ARHGAP32: variants seen among roughly 807,000 people sequenced by gnomAD.
ARHGAP32 encodes Rho GTPase activating protein 32.
In ARHGAP32, 51 loss-of-function variants were observed where a neutral mutation model predicts 186.5. That is an observed-to-expected ratio of 0.27 (90% CI 0.22 to 0.35). ARHGAP32 has a LOEUF of 0.35. Among genes scored for constraint, ARHGAP32 ranks in the 10% least tolerant of loss-of-function variants. The pLI, the probability that ARHGAP32 is intolerant of heterozygous loss-of-function variation, is 1.00. For missense variants in ARHGAP32, 2,186 were observed against 2,623.5 expected, an observed-to-expected ratio of 0.83 and a Z score of 3.64; for synonymous variants, 950 against 964.3, an observed-to-expected ratio of 0.99 and a Z score of 0.27.
At chr11:129,090,478 C>T (rs1419736442) in intron 6 of ARHGAP32, among the ~76,000 whole-genome samples, 1 of 152,124 alleles carries the variant, frequency 6.6e-6, no homozygotes, top group Admixed American at 6.5e-5. Context: ...AGTTAATACA[C>T]TCTTAACTTG....
chr11:129,017,081 T>C (rs1268149331), intron 11 of ARHGAP32, among the ~76,000 whole-genome samples: 1 of 152,120 alleles, frequency 6.6e-6, no homozygotes, highest in Non-Finnish European at 1.5e-5. Context: ...ACCTCTGGGG[T>C]TCCAATCTTG....
chr11:129,040,511 G>A (rs542683711), intron 11 of ARHGAP32, among the ~76,000 whole-genome samples: 242 of 152,244 alleles, frequency 1.6e-3, no homozygotes, highest in Non-Finnish European at 2.9e-3. Flanking sequence ...TACTGTATAA[G>A]TAATAAGAAA....
intron 5 of ARHGAP32, among the ~76,000 whole-genome samples, chr11:129,104,261 A>G (rs1443134207): frequency 6.6e-6 from 1 of 152,134 alleles, no homozygotes; most frequent in Non-Finnish European, 1.5e-5. Flanking sequence ...AATTCAGGAA[A>G]TAAGTTTATA....
chr11:129,215,629 TC>T lies in ARHGAP32; in HGVS notation c.-4-51203del, dbSNP rs1304377849. Among the ~76,000 whole-genome samples the T allele has an allele frequency of 2.0e-5, 3 of 152,112 alleles. No individual in the cohort carries two copies. The East Asian group carries it at 5.8e-4, about 29-fold the overall frequency. ...ACCCCTCCCTCACATCACTCCAACT[TC>T]TTGCTTCTGTTATTACATCTACTAC... On this transcript the variant is annotated intron_variant, in intron 1 of 6. Coordinates refer to the ARHGAP32 transcript ENST00000525234.
intron 11 of ARHGAP32, among the ~76,000 whole-genome samples, chr11:129,010,903 A>G (rs1370123852): frequency 3.3e-5 from 5 of 152,256 alleles, no homozygotes; most frequent in African/African-American, 1.2e-4. Context: ...TGGTAACTGC[A>G]TATGATGTAT....
chr11:129,078,497 T>G (rs1206690149), intron 6 of ARHGAP32, among the ~76,000 whole-genome samples: 2 of 152,076 alleles, frequency 1.3e-5, no homozygotes, highest in African/African-American at 4.8e-5. Flanking sequence ...GGCTAATTAT[T>G]TATTAATTTT....
intron 5 of ARHGAP32, among the ~76,000 whole-genome samples, chr11:129,093,918 C>T (rs980839349): frequency 6.6e-5 from 10 of 152,090 alleles, no homozygotes; most frequent in African/African-American, 2.4e-4. Context: ...GTGTAGCTTA[C>T]GTATAAGGGT....
intron 1 of ARHGAP32, among the ~76,000 whole-genome samples, chr11:129,271,880 C>A (rs1945477325): frequency 6.6e-6 from 1 of 151,932 alleles, no homozygotes; most frequent in African/African-American, 2.4e-5. Flanking sequence ...AAAACAATTT[C>A]ATTGGAGTGC....
chr11:129,187,773 AG>A (rs1944192388), intron 1 of ARHGAP32, among the ~76,000 whole-genome samples: 1 of 152,200 alleles, frequency 6.6e-6, no homozygotes, highest in Non-Finnish European at 1.5e-5. Context: ...AAACAATATA[AG>A]TTGTAGCTTT....
At position 129,070,425 on chromosome 11, in the gene ARHGAP32, A is replaced by G. The variant is rs192959599; in HGVS notation, c.532-3557T>C. Among the ~76,000 whole-genome samples the G allele has an allele frequency of 4.3e-3, 653 of 152,208 alleles. 3 individuals are homozygous for G. Among genetic ancestry groups the G allele is most frequent in the Non-Finnish European group, 6.7e-3 (456 of 67,928 alleles). ...ATATTAGTTTGGTTAAATTGTTAAC[A>G]TGCCCAGCCAGACACTAGAACAATG... On this transcript the variant is annotated intron_variant, in intron 6 of 22. Coordinates refer to ENST00000682385, the MANE Select transcript of ARHGAP32 (RefSeq NM_001378024.1).
intron 1 of ARHGAP32, among the ~76,000 whole-genome samples, chr11:129,240,584 G>A (rs746367684): frequency 5.3e-5 from 8 of 152,030 alleles, no homozygotes; most frequent in Non-Finnish European, 1.0e-4. Context: ...TTACTCTTGC[G>A]GGCCAAAGCT....
At chr11:129,122,323 C>T (rs1942552018) in intron 5 of ARHGAP32, among the ~76,000 whole-genome samples, 1 of 151,476 alleles carries the variant, frequency 6.6e-6, no homozygotes, top group Non-Finnish European at 1.5e-5. Flanking sequence ...TTCATTCAAC[C>T]TTGTAAAGAT....
intron 5 of ARHGAP32, among the ~76,000 whole-genome samples, chr11:129,098,593 G>C (rs1159201406): frequency 6.6e-6 from 1 of 151,680 alleles, no homozygotes; most frequent in African/African-American, 2.4e-5. Flanking sequence ...CTAATTTTTT[G>C]TATTTTTAGT....
chr11:129,065,011 A>G, intron 7 of ARHGAP32, 78 bp from the exon 8 acceptor site: 1 of 1,190,572 alleles, frequency 8.4e-7, no homozygotes, highest in Non-Finnish European at 1.2e-6. Context: ...GGTTTCTGGA[A>G]GAAAAAAATC....
chr11:129,236,814 C>A (rs1420747319), intron 1 of ARHGAP32, among the ~76,000 whole-genome samples: 2 of 152,140 alleles, frequency 1.3e-5, no homozygotes, highest in Non-Finnish European at 2.9e-5. Flanking sequence ...AGTAGGCATC[C>A]CTGTCTTGTT....
At chr11:129,051,042 T>C (rs1267037239) in intron 10 of ARHGAP32, among the ~76,000 whole-genome samples, 3 of 152,246 alleles carry the variant, frequency 2.0e-5, no homozygotes, top group Non-Finnish European at 4.4e-5. Flanking sequence ...CAGTCTATCA[T>C]TGATGGGCAT....
chr11:129,064,218 T>C (rs1489042869), intron 8 of ARHGAP32, among the ~76,000 whole-genome samples, 194 bp from the exon 9 acceptor site: 3 of 144,016 alleles, frequency 2.1e-5, no homozygotes, highest in African/African-American at 2.5e-5. Flanking sequence ...CAGTTTAATT[T>C]AATCCTCATA....
chr11:129,040,383 T>A (rs1591556542), intron 11 of ARHGAP32, among the ~76,000 whole-genome samples: 2 of 152,176 alleles, frequency 1.3e-5, no homozygotes, highest in East Asian at 1.9e-4. Context: ...TTCTGTTGAA[T>A]CTTCCCAAAA....
chr11:129,271,385 G>A (rs576248140), intron 1 of ARHGAP32, among the ~76,000 whole-genome samples: 4 of 152,278 alleles, frequency 2.6e-5, no homozygotes, highest in African/African-American at 9.6e-5. Context: ...CAAGGAGGAG[G>A]AAGAATCCGG....
Sources: allele counts gnomAD v4.1 joint callset (sites outside exome capture counted in the v4.1 genomes callset), GRCh38; gene constraint gnomAD v4.1.1; transcripts MANE v1.5; gene names NCBI Gene and HGNC (gene_info 2026-07-23, HGNC 2026-07-21).